Variants in DACH1 observed in about 807,000 individuals in gnomAD.
DACH1 encodes dachshund homolog 1.
Under a neutral mutation model 54.2 loss-of-function variants are expected in DACH1, and 12 were observed. The observed-to-expected ratio is 0.22, with a 90% CI of 0.14 to 0.36. The LOEUF (loss-of-function observed/expected upper bound fraction) is 0.36, where lower values mean the gene tolerates loss of function less well. DACH1 is among the 10% of genes least tolerant of loss of function. DACH1 has a pLI of 1.00. For synonymous variants in DACH1, 386 were observed against 366.2 expected (o/e 1.05, Z -0.62); for missense variants, 805 against 929.8 (o/e 0.87, Z 1.75).
chr13:71,685,751 G>A (rs929889301), intron 1 of DACH1, among the ~76,000 whole-genome samples: 2 of 152,056 alleles, frequency 1.3e-5, no homozygotes, highest in African/African-American at 4.8e-5. Context: ...GAGAACATGA[G>A]TAATACTCTG....
chr13:71,688,871 A>G (rs2138718207), intron 1 of DACH1, among the ~76,000 whole-genome samples: 1 of 152,346 alleles, frequency 6.6e-6, no homozygotes, highest in South Asian at 2.1e-4. Flanking sequence ...TGTTCAAATT[A>G]AACTACTAAG....
chr13:71,682,330 G>C (rs1306721430), intron 1 of DACH1, among the ~76,000 whole-genome samples: 1 of 152,110 alleles, frequency 6.6e-6, no homozygotes, highest in African/African-American at 2.4e-5. Context: ...ATATTTTAAG[G>C]TTCTTCAGGA....
At chr13:71,806,960 T>C (rs2138140339) in intron 1 of DACH1, among the ~76,000 whole-genome samples, 1 of 152,284 alleles carries the variant, frequency 6.6e-6, no homozygotes, top group South Asian at 2.1e-4. Context: ...ACAATATAGG[T>C]AATATGGTGA....
intron 6 of DACH1, among the ~76,000 whole-genome samples, chr13:71,521,558 A>AT (rs1264647925): frequency 7.2e-5 from 11 of 152,050 alleles, no homozygotes; most frequent in Non-Finnish European, 1.0e-4. Context: ...TCAGTCTTTC[A>AT]AAGGCAAGGT....
At position 71,692,506 on chromosome 13, in the gene DACH1, C is replaced by CTTTTTTTTTTTTTTTTTTTTTTTTT. The variant is rs398023338; in HGVS notation, c.849-10621_849-10597dup. Among the ~76,000 whole-genome samples the CTTTTTTTTTTTTTTTTTTTTTTTTT allele has an allele frequency of 5.0e-4, 22 of 44,438 alleles. 4 individuals carry two copies. Among genetic ancestry groups the CTTTTTTTTTTTTTTTTTTTTTTTTT allele is most frequent in the Admixed American group, 1.8e-3 (4 of 2,280 alleles). 29.2% of individuals were successfully genotyped at this position (44,438 alleles called of 152,430 possible). ...CCTTTCTTTTTCTTTCTTTTCTTTC[C>CTTTTTTTTTTTTTTTTTTTTTTTTT]TTTTTTTTTTTTTTTTTTTTTTTTT... On this transcript the variant is annotated intron_variant, in intron 1 of 10. Coordinates refer to ENST00000613252, the MANE Select transcript of DACH1 (RefSeq NM_080759.6).
At chr13:71,573,212 T>G (rs1217829936) in intron 3 of DACH1, among the ~76,000 whole-genome samples, 200 bp from the exon 4 acceptor site, 2 of 152,162 alleles carry the variant, frequency 1.3e-5, no homozygotes, top group Non-Finnish European at 2.9e-5. Flanking sequence ...TCCTAACTTA[T>G]CCTGTGTTTA....
intron 1 of DACH1, among the ~76,000 whole-genome samples, chr13:71,862,305 C>T (rs1344095528): frequency 6.6e-6 from 1 of 152,010 alleles, no homozygotes; most frequent in African/African-American, 2.4e-5. Context: ...AAAAAGGGAA[C>T]TGACTTATAC....
intron 4 of DACH1, among the ~76,000 whole-genome samples, chr13:71,569,407 T>A (rs996379664): frequency 1.3e-5 from 2 of 152,266 alleles, no homozygotes; most frequent in African/African-American, 4.8e-5. Flanking sequence ...CAGAAAAAAC[T>A]TTATTTACCA....
chr13:71,732,846 C>G (rs781353278), intron 1 of DACH1, among the ~76,000 whole-genome samples: 1 of 152,134 alleles, frequency 6.6e-6, no homozygotes, highest in Admixed American at 6.6e-5. Flanking sequence ...TTGTCAATCA[C>G]TCCCCTATAG....
chr13:71,675,203 T>A lies in DACH1; in HGVS notation c.964+6592A>T. On this transcript the variant is annotated intron_variant, in intron 2 of 10. Transcript: ENST00000613252. The stretch of plus-strand genomic sequence containing the variant: ...CCTCATCGTAACAGGCCTGGTACTG[T>A]GGCGCTCCGTGAAGTTAGACGTTAT... 1.9e-6 allele frequency: 3 copies of A among 1,573,408 alleles called. No individual in the cohort carries two copies. In the South Asian group the frequency reaches 3.3e-5, roughly 17 times the overall value.
chr13:71,619,351 C>T (rs2138537583), intron 3 of DACH1, among the ~76,000 whole-genome samples: 1 of 151,918 alleles, frequency 6.6e-6, no homozygotes, highest in Middle Eastern at 3.4e-3. Flanking sequence ...TCACTCTGTT[C>T]CATTTATAAA....
chr13:71,800,499 T>G (rs1165534575), intron 1 of DACH1, among the ~76,000 whole-genome samples: 1 of 152,086 alleles, frequency 6.6e-6, no homozygotes. Flanking sequence ...TTAAGTGTAG[T>G]GATAACATTT....
chr13:71,758,631 CAA>C (rs1267438110), intron 1 of DACH1, among the ~76,000 whole-genome samples: 1 of 152,118 alleles, frequency 6.6e-6, no homozygotes, highest in Non-Finnish European at 1.5e-5. Context: ...ACCACTTAAT[CAA>C]AATACAGCAT....
At chr13:71,772,139 T>C (rs1885882929) in intron 1 of DACH1, among the ~76,000 whole-genome samples, 1 of 151,622 alleles carries the variant, frequency 6.6e-6, no homozygotes, top group Non-Finnish European at 1.5e-5. Flanking sequence ...CTCTACAGTA[T>C]ACTTGCCCCT....
chr13:71,713,093 T>C (rs1205731415), intron 1 of DACH1, among the ~76,000 whole-genome samples: 1 of 151,730 alleles, frequency 6.6e-6, no homozygotes, highest in African/African-American at 2.4e-5. Flanking sequence ...CTTCTTCTTT[T>C]TTTTTTTTTC....
intron 10 of DACH1, among the ~76,000 whole-genome samples, chr13:71,446,300 T>A (rs1446303882): frequency 3.3e-5 from 5 of 152,232 alleles, no homozygotes; most frequent in African/African-American, 4.8e-5. Flanking sequence ...ATATTTCCTG[T>A]TTGTTCCTCA....
intron 3 of DACH1, among the ~76,000 whole-genome samples, chr13:71,597,839 G>A (rs866832747): frequency 2.6e-5 from 4 of 152,126 alleles, no homozygotes; most frequent in Admixed American, 1.3e-4. Context: ...AAGGCAGGCC[G>A]GGCAGGGTGG....
chr13:71,613,168 G>A (rs922145342), intron 3 of DACH1, among the ~76,000 whole-genome samples: 2 of 152,186 alleles, frequency 1.3e-5, no homozygotes, highest in African/African-American at 4.8e-5. Context: ...TGGAAAATGA[G>A]TAGGAATTCC....
chr13:71,824,624 G>C (rs1390653528), intron 1 of DACH1, among the ~76,000 whole-genome samples: 1 of 151,876 alleles, frequency 6.6e-6, no homozygotes. Flanking sequence ...TTTTTCTTTT[G>C]GCTAAAGCTA....
Sources: allele counts gnomAD v4.1 joint callset (sites outside exome capture counted in the v4.1 genomes callset), GRCh38; gene constraint gnomAD v4.1.1; transcripts MANE v1.5; gene names NCBI Gene and HGNC (gene_info 2026-07-23, HGNC 2026-07-21).